ZYG11B: variants seen among roughly 807,000 people sequenced by gnomAD.
ZYG11B encodes the protein protein zyg-11 homolog B.
ZYG11B carries 36 observed loss-of-function variants against 82.4 expected under a neutral mutation model. The observed-to-expected ratio is 0.44, with a 90% CI of 0.33 to 0.58. The LOEUF is 0.58. Ranked by LOEUF, ZYG11B falls within the 20% of genes least tolerant of loss-of-function variation. The pLI, the probability that ZYG11B is intolerant of heterozygous loss-of-function variation, is 0.02. For missense variants in ZYG11B, 552 were observed against 895.6 expected, an observed-to-expected ratio of 0.62 and a Z score of 4.90; for synonymous variants, 303 against 312.8, an observed-to-expected ratio of 0.97 and a Z score of 0.33.
chr1:52,803,201 TATAC>T lies in ZYG11B; in HGVS notation c.1695+1064_1695+1067del, dbSNP rs1190066060. ...ATATATATATATACACATATATATA[TATAC>T]ACACACATATATATATATACACACA... On this transcript the variant is annotated intron_variant, in intron 10 of 13. Coordinates refer to ENST00000294353, the MANE Select transcript of ZYG11B (RefSeq NM_024646.3). Among the ~76,000 whole-genome samples, 67 of 83,956 alleles carry T rather than the reference TATAC, an allele frequency of 8.0e-4. 1 individual carries two copies. In the East Asian group the frequency reaches 0.017, roughly 21 times the overall value. The allele number at this position is 83,956 out of a possible 152,430, so 55.1% of individuals were successfully genotyped here.
intron 8 of ZYG11B, among the ~76,000 whole-genome samples, chr1:52,799,255 A>T (rs775874943): frequency 2.6e-5 from 4 of 152,088 alleles, no homozygotes; most frequent in Non-Finnish European, 5.9e-5. Context: ...TGGGAGGCCG[A>T]GGCGGGTGGA....
At chr1:52,770,092 A>ATATATT (rs1553259758) in intron 2 of ZYG11B, among the ~76,000 whole-genome samples, 9 of 94,452 alleles carry the variant, frequency 9.5e-5, no homozygotes, top group South Asian at 3.6e-4. Flanking sequence ...ATATATATAT[A>ATATATT]TTTTTTTTTT....
At chr1:52,785,317 A>G (rs560496700) in intron 5 of ZYG11B, among the ~76,000 whole-genome samples, 15 of 152,322 alleles carry the variant, frequency 9.8e-5, no homozygotes, top group African/African-American at 3.6e-4. Flanking sequence ...ATTTCAGCAG[A>G]TAGGCACAGA....
chr1:52,822,317 T>G lies in ZYG11B; in HGVS notation c.*688T>G, dbSNP rs1645289969. On this transcript the variant is annotated 3_prime_UTR_variant, in exon 14 of 14. Transcript: ENST00000294353. ...GGTGAGCAGAAGCTTGTCCTCCATA[T>G]TTATACCTAGAAGTGTGGACTGCTG... 1 of 152,244 alleles carries G rather than the reference T, an allele frequency of 6.6e-6. No homozygotes were observed. Among genetic ancestry groups the G allele is most frequent in the Non-Finnish European group, 1.5e-5 (1 of 68,048 alleles). The allele number at this position is 152,244 out of a possible 1,614,324, so 9.4% of individuals were successfully genotyped here. A position where few individuals can be genotyped will look rare whatever the true frequency, so the allele number is the denominator to read the frequency against.
chr1:52,782,100 C>G (rs191377687), intron 4 of ZYG11B, among the ~76,000 whole-genome samples: 3 of 152,150 alleles, frequency 2.0e-5, no homozygotes, highest in East Asian at 3.9e-4. Context: ...GCATCTCACT[C>G]TGTCACCCAT....
chr1:52,787,247 A>T (rs1222648429), intron 5 of ZYG11B, among the ~76,000 whole-genome samples: 1 of 152,232 alleles, frequency 6.6e-6, no homozygotes, highest in Non-Finnish European at 1.5e-5. Flanking sequence ...CCAGATGACA[A>T]CCTTGATCAA....
At chr1:52,804,915 A>C in intron 10 of ZYG11B, among the ~76,000 whole-genome samples, 1 of 151,924 alleles carries the variant, frequency 6.6e-6, no homozygotes, top group East Asian at 1.9e-4. Flanking sequence ...AAAATGGAGA[A>C]GTCTCGTTTC....
intron 1 of ZYG11B, among the ~76,000 whole-genome samples, chr1:52,749,712 T>C (rs1298559078): frequency 6.6e-6 from 1 of 152,082 alleles, no homozygotes; most frequent in Non-Finnish European, 1.5e-5. Flanking sequence ...GCCACCACGC[T>C]TGGCTAATTT....
At chr1:52,789,437 G>C (rs1030631465) in intron 5 of ZYG11B, among the ~76,000 whole-genome samples, 1 of 151,960 alleles carries the variant, frequency 6.6e-6, no homozygotes, top group Non-Finnish European at 1.5e-5. Flanking sequence ...TTGCTTCACA[G>C]GAATAACTTG....
At chr1:52,792,002 G>A (rs918210609) in intron 6 of ZYG11B, among the ~76,000 whole-genome samples, 2 of 152,138 alleles carry the variant, frequency 1.3e-5, no homozygotes, top group Non-Finnish European at 2.9e-5. Flanking sequence ...CTCTGCCATT[G>A]TCCCTCAAAA....
At chr1:52,799,975 T>C (rs1256375713) in intron 8 of ZYG11B, among the ~76,000 whole-genome samples, 3 of 152,008 alleles carry the variant, frequency 2.0e-5, no homozygotes, top group Non-Finnish European at 4.4e-5. Flanking sequence ...AAGGACTTAA[T>C]ACAGTTATTA....
In ZYG11B at chr1:52,771,779, G is replaced by T; in HGVS notation, c.951+5G>T. 1.3e-6 allele frequency: 2 copies of T among 1,598,986 alleles called. No homozygotes were observed. The highest frequency in any genetic ancestry group is 2.2e-5 in the South Asian group (2 of 89,488). On this transcript the variant is annotated splice_donor_5th_base_variant and intron_variant, in intron 3 of 13. Coordinates refer to ENST00000294353, the MANE Select transcript of ZYG11B (RefSeq NM_024646.3). This position sits in a 1 kb window ranked among gnomAD's most constrained non-coding sequence, Gnocchi z 5.4. ...ACAGGCGAAGGACATTTGAAGGTTA[G>T]ACTTTAAAAATGTATTATTTTGTCA...
At chr1:52,745,288 A>G (rs1182091157) in intron 1 of ZYG11B, among the ~76,000 whole-genome samples, 1 of 152,136 alleles carries the variant, frequency 6.6e-6, no homozygotes, top group Non-Finnish European at 1.5e-5. Context: ...TAAAAACCGG[A>G]GTGGGGGTTG....
chr1:52,810,886 T>C (rs1390659182), intron 10 of ZYG11B, among the ~76,000 whole-genome samples: 1 of 151,950 alleles, frequency 6.6e-6, no homozygotes, highest in Non-Finnish European at 1.5e-5. Context: ...AATATAAAAA[T>C]TAGCTGGCCA....
intron 1 of ZYG11B, among the ~76,000 whole-genome samples, chr1:52,743,867 T>C (rs1288131143): frequency 6.6e-6 from 1 of 152,218 alleles, no homozygotes; most frequent in African/African-American, 2.4e-5. Flanking sequence ...GCTCCATTTA[T>C]GTTAAGTCCC....
At chr1:52,738,008 G>T (rs1249329989) in intron 1 of ZYG11B, among the ~76,000 whole-genome samples, 1 of 152,196 alleles carries the variant, frequency 6.6e-6, no homozygotes, top group African/African-American at 2.4e-5. Context: ...TTAACAGGAA[G>T]AGCTGAGAAG....
At position 52,783,831 on chromosome 1, in the gene ZYG11B, C is replaced by CATACACGTGTGCGTATGTACATACACGT. The variant is rs1553260788; in HGVS notation, c.1093-1046_1093-1045insATACACGTGTGCGTATGTACATACACGT. Among the ~76,000 whole-genome samples, 21 of 72,520 alleles carry CATACACGTGTGCGTATGTACATACACGT rather than the reference C, an allele frequency of 2.9e-4. 2 individuals carry two copies. The highest frequency in any genetic ancestry group is 2.5e-3 in the East Asian group (5 of 1,996). The allele number at this position is 72,520 out of a possible 152,430, so 47.6% of individuals were successfully genotyped here. ...ACACACACACGTATATGTATACATA[C>CATACACGTGTGCGTATGTACATACACGT]GTGTGTATATGTACATACACGTGTG... On this transcript the variant is annotated intron_variant, in intron 4 of 13. Transcript: ENST00000294353.
At chr1:52,785,101 A>T (rs1224382274) in intron 5 of ZYG11B, 48 bp downstream of exon 5, 1 of 1,575,250 alleles carries the variant, frequency 6.3e-7, no homozygotes, top group Non-Finnish European at 8.6e-7. Context: ...AGTGTCTTCT[A>T]CTCATCTCCT....
chr1:52,793,723 T>C (rs527319359), intron 6 of ZYG11B, among the ~76,000 whole-genome samples: 4 of 152,310 alleles, frequency 2.6e-5, no homozygotes, highest in African/African-American at 9.6e-5. Context: ...TGAAGACTAA[T>C]GAACAATCTG....
Sources: allele counts gnomAD v4.1 joint callset (sites outside exome capture counted in the v4.1 genomes callset), GRCh38; gene constraint gnomAD v4.1.1; non-coding constraint Gnocchi (gnomAD v3.1); transcripts MANE v1.5; gene names NCBI Gene and HGNC (gene_info 2026-07-23, HGNC 2026-07-21).